Variants in DIP2B observed in about 807,000 individuals in gnomAD.
DIP2B encodes DIP2 acetate--CoA ligase B (putative).
Under a neutral mutation model 198.0 loss-of-function variants are expected in DIP2B, and 76 were observed. That is an observed-to-expected ratio of 0.38 (90% confidence interval 0.32 to 0.46). The LOEUF is 0.46. Among genes scored for constraint, DIP2B ranks in the 20% least tolerant of loss-of-function variants. The pLI is 0.99. For synonymous variants in DIP2B, 701 were observed against 739.1 expected, an observed-to-expected ratio of 0.95 and a Z score of 0.84; for missense variants, 1,559 against 1,978.4, an observed-to-expected ratio of 0.79 and a Z score of 4.02.
At chr12:50,587,418 T>G (rs887104954) in intron 1 of DIP2B, among the ~76,000 whole-genome samples, 5 of 152,198 alleles carry the variant, frequency 3.3e-5, no homozygotes, top group African/African-American at 1.2e-4. Flanking sequence ...AGCTACCTTT[T>G]TGCCATTCCT....
rs575329418 is a variant in DIP2B at position 50,577,302 on chromosome 12, C to T, written c.101-48674C>T. On this transcript the variant is annotated intron_variant, in intron 1 of 37. Coordinates refer to ENST00000301180, the MANE Select transcript of DIP2B (RefSeq NM_173602.3). Reference sequence around the variant, plus strand: ...ATCTCAGCACTTTGGGAGGCCGAGGCGGGCGGATCACGAGGTCAGGAGATC... The same window carrying T: ...ATCTCAGCACTTTGGGAGGCCGAGGTGGGCGGATCACGAGGTCAGGAGATC... 4.6e-5 allele frequency among the ~76,000 whole-genome samples: 7 copies of T among 152,150 alleles called. No individual in the cohort carries two copies. The East Asian group carries it at 1.2e-3, about 25-fold the overall frequency.
intron 1 of DIP2B, among the ~76,000 whole-genome samples, chr12:50,525,780 C>T (rs990718017): frequency 1.3e-5 from 2 of 152,152 alleles, no homozygotes; most frequent in Non-Finnish European, 2.9e-5. Context: ...CCCAAAGTGC[C>T]GGGGTTGCAG....
intron 32 of DIP2B, 75 bp from the exon 33 acceptor site, chr12:50,734,060 A>G: frequency 6.5e-7 from 1 of 1,546,212 alleles, no homozygotes. Context: ...ATATGGCTAA[A>G]TTATTTCTTG....
intron 9 of DIP2B, among the ~76,000 whole-genome samples, chr12:50,681,293 G>A (rs1320645349): frequency 6.6e-6 from 1 of 151,752 alleles, no homozygotes; most frequent in Non-Finnish European, 1.5e-5. Context: ...TTAATTAGCT[G>A]GGTGTGGTGG....
chr12:50,579,489 G>T (rs1034132351), intron 1 of DIP2B, among the ~76,000 whole-genome samples: 11 of 150,228 alleles, frequency 7.3e-5, no homozygotes, highest in African/African-American at 2.4e-4. Flanking sequence ...GCAGGTGCCT[G>T]TAACCCCAGC....
chr12:50,589,693 G>A (rs930422354), intron 1 of DIP2B, among the ~76,000 whole-genome samples: 1 of 152,086 alleles, frequency 6.6e-6, no homozygotes, highest in African/African-American at 2.4e-5. Flanking sequence ...GGAGAGTGGT[G>A]GGAGATCGGG....
rs151181050 is a variant in DIP2B at position 50,714,500 on chromosome 12, C to A, written c.2755C>A (p.Gln919Lys). Residue 919 changes from glutamine (Q) to lysine (K), a missense_variant, in exon 23 of 38, where the codon CAA becomes AAA. Gln to Lys is a moderately conservative substitution (Grantham distance 53). Coordinates refer to ENST00000301180, the MANE Select transcript of DIP2B (RefSeq NM_173602.3). ...AGGAATCCATATATCTCAGACGAAA[C>A]AACTCTTTCTGGAGGGATCACTGCA... ...LGGIHISQTKQLFLEGSLHPC... is the reference protein window; with the variant it reads ...LGGIHISQTKKLFLEGSLHPC... 3,080 of 1,614,194 alleles carry A rather than the reference C, an allele frequency of 1.9e-3. 4 individuals carry two copies. Among genetic ancestry groups the A allele is most frequent in the Non-Finnish European group, 2.5e-3 (2,900 of 1,180,038 alleles).
intron 32 of DIP2B, among the ~76,000 whole-genome samples, 180 bp from the exon 33 acceptor site, chr12:50,733,955 T>C (rs3825402): frequency 0.29 from 44,045 of 152,112 alleles, 6,690 homozygotes; most frequent in East Asian, 0.41. Context: ...AGCATGGAAA[T>C]GTTTCAGTGC....
intron 4 of DIP2B, 44 bp from the exon 5 acceptor site, chr12:50,671,142 T>C: frequency 6.3e-7 from 1 of 1,597,198 alleles, no homozygotes; most frequent in Non-Finnish European, 8.5e-7. Flanking sequence ...AAAGTCTCTG[T>C]TCTAGGTAGG....
intron 1 of DIP2B, among the ~76,000 whole-genome samples, chr12:50,592,576 C>A (rs2139430867): frequency 6.6e-6 from 1 of 152,208 alleles, no homozygotes; most frequent in African/African-American, 2.4e-5. Flanking sequence ...CTCCTGAGTT[C>A]CAGCAATTCT....
intron 1 of DIP2B, among the ~76,000 whole-genome samples, chr12:50,565,465 G>C (rs1958555892): frequency 6.6e-6 from 1 of 151,918 alleles, no homozygotes; most frequent in South Asian, 2.1e-4. Flanking sequence ...CCGGCTAATT[G>C]TTTTGTATTT....
At chr12:50,552,412 G>A (rs1057260657) in intron 1 of DIP2B, among the ~76,000 whole-genome samples, 19 of 151,874 alleles carry the variant, frequency 1.3e-4, no homozygotes, top group African/African-American at 3.1e-4. Context: ...GACTATAGGC[G>A]CCCGCCACCA....
intron 3 of DIP2B, among the ~76,000 whole-genome samples, chr12:50,659,732 C>T (rs11169515): frequency 0.29 from 43,763 of 151,910 alleles, 6,566 homozygotes; most frequent in East Asian, 0.43. Flanking sequence ...ACTGAGGGGT[C>T]TCAACCAAGT....
intron 1 of DIP2B, among the ~76,000 whole-genome samples, chr12:50,621,020 C>T (rs764511395): frequency 2.0e-5 from 3 of 152,188 alleles, no homozygotes; most frequent in Non-Finnish European, 2.9e-5. Flanking sequence ...ATCAGAGTCT[C>T]CATGGGAGGG....
chr12:50,698,188 C>A, intron 17 of DIP2B, 140 bp from the exon 18 acceptor site: 3 of 1,051,590 alleles, frequency 2.9e-6, no homozygotes, highest in Non-Finnish European at 4.0e-6. Context: ...CCACACCCAG[C>A]TCTAATTTGG....
At chr12:50,521,569 T>C (rs548702003) in intron 1 of DIP2B, among the ~76,000 whole-genome samples, 2 of 146,280 alleles carry the variant, frequency 1.4e-5, no homozygotes, top group African/African-American at 5.0e-5. Flanking sequence ...CTCAGCTCAC[T>C]GCAACCTCCA....
At chr12:50,727,666 T>A (rs751591983) in intron 28 of DIP2B, 37 bp from the exon 29 acceptor site, 3 of 1,557,626 alleles carry the variant, frequency 1.9e-6, no homozygotes, top group Non-Finnish European at 2.7e-6. Flanking sequence ...TGTTCCAGCA[T>A]GTTGGATTGA....
intron 1 of DIP2B, among the ~76,000 whole-genome samples, chr12:50,596,422 C>A (rs1337084179): frequency 2.0e-5 from 3 of 152,154 alleles, no homozygotes; most frequent in African/African-American, 7.2e-5. Flanking sequence ...AATCTTAGAG[C>A]TTTTCTGCTC....
At chr12:50,682,132 C>T (rs1939050888) in intron 9 of DIP2B, among the ~76,000 whole-genome samples, 1 of 152,172 alleles carries the variant, frequency 6.6e-6, no homozygotes, top group African/African-American at 2.4e-5. Context: ...GGAAAAGTCA[C>T]TTATCTCTGT....
Sources: gnomAD v4.1 joint callset for allele counts (sites outside exome capture counted in the v4.1 genomes callset) on GRCh38, gnomAD v4.1.1 for gene constraint, MANE v1.5 for transcripts, NCBI Gene and HGNC (gene_info 2026-07-23, HGNC 2026-07-21) for gene names.